Variants in KMT2C observed in about 807,000 individuals in gnomAD.
The protein encoded by KMT2C is lysine methyltransferase 2C.
Under a neutral mutation model 507.9 loss-of-function variants are expected in KMT2C, and 88 were observed. The ratio of observed to expected loss-of-function variants is 0.17; its 90% CI spans 0.15 to 0.21. The LOEUF (loss-of-function observed/expected upper bound fraction) is 0.21, where lower values mean the gene tolerates loss of function less well. KMT2C is among the 10% of genes least tolerant of loss of function. KMT2C has a pLI of 1.00. For synonymous variants in KMT2C, 2,049 were observed against 2,080.8 expected (o/e 0.98, Z 0.42); for missense variants, 4,954 against 5,957.8 (o/e 0.83, Z 5.55).
chr7:152,368,410 G>C, intron 1 of KMT2C: 1 of 1,127,270 alleles, frequency 8.9e-7, no homozygotes, highest in Non-Finnish European at 1.3e-6. Context: ...GAAGAAGATA[G>C]AGATGGAGAT....
chr7:152,258,551 G>A (rs905235112), intron 9 of KMT2C, among the ~76,000 whole-genome samples: 1 of 151,838 alleles, frequency 6.6e-6, no homozygotes, highest in African/African-American at 2.4e-5. Context: ...TTGAGACAGA[G>A]TCTATCTCTG....
At chr7:152,170,348 T>C (rs2092907990) in intron 40 of KMT2C, among the ~76,000 whole-genome samples, 1 of 147,110 alleles carries the variant, frequency 6.8e-6, no homozygotes, top group Non-Finnish European at 1.5e-5. Context: ...TTATAGTAGG[T>C]AGCTCCCTTT....
rs762454363 is a variant in KMT2C, at chr7:152,181,480, G to C, written c.6380C>G (p.Ser2127Cys). The C allele has an allele frequency of 1.2e-6, 2 of 1,614,104 alleles. No homozygotes were observed. The highest frequency in any genetic ancestry group is 1.7e-5 in the Admixed American group (1 of 60,004). ...TGGGGGTTGGGAGTATGGGTCCTGA[G>C]ATGTTGGCCTTGATATGGTTCCAGG... ...SQPGTISRPTSQDPYSQPPGT... is the reference protein window; with the variant it reads ...SQPGTISRPTCQDPYSQPPGT... The change falls in exon 36 of 59, where the codon TCT (serine) becomes TGT (cysteine). Residue 2127 changes from serine to cysteine, a missense_variant. Physicochemically the swap from Ser to Cys is moderately radical, Grantham distance 112 (BLOSUM62 -1). Transcript: ENST00000262189.
At chr7:152,139,815 T>C in intron 55 of KMT2C, 24 bp from the exon 56 acceptor site, 1 of 1,515,474 alleles carries the variant, frequency 6.6e-7, no homozygotes, top group Non-Finnish European at 9.1e-7. Context: ...TGTACATACT[T>C]CCAATTTATG....
chr7:152,351,705 T>C (rs2097112154), intron 2 of KMT2C, among the ~76,000 whole-genome samples: 1 of 152,238 alleles, frequency 6.6e-6, no homozygotes, highest in Admixed American at 6.5e-5. Flanking sequence ...TATAATTTCT[T>C]ACGCCTGTCT....
chr7:152,253,472 C>T (rs1010579716), intron 9 of KMT2C, among the ~76,000 whole-genome samples: 2 of 125,546 alleles, frequency 1.6e-5, no homozygotes, highest in African/African-American at 6.3e-5. Context: ...GCCAGGGATC[C>T]GAGACCAATC....
intron 6 of KMT2C, among the ~76,000 whole-genome samples, chr7:152,309,569 G>A (rs748104405): frequency 4.2e-5 from 6 of 143,510 alleles, no homozygotes; most frequent in Non-Finnish European, 9.0e-5. Context: ...ACCCAGGTTG[G>A]AGTGCAATGG....
rs1490041659 is a variant in KMT2C, at chr7:152,194,035, G to T, written c.4634C>A (p.Thr1545Lys). The T allele has an allele frequency of 1.3e-6, 2 of 1,580,508 alleles. No individual in the cohort carries two copies. Among genetic ancestry groups the T allele is most frequent in the Non-Finnish European group, 1.7e-6 (2 of 1,169,276 alleles). The change falls in exon 31 of 59, where the codon ACA becomes AAA. Residue 1545 changes from threonine to lysine, a missense_variant. Thr to Lys is a moderately conservative substitution (Grantham distance 78). Coordinates refer to ENST00000262189, the MANE Select transcript of KMT2C (RefSeq NM_170606.3). The part of the protein sequence containing the change: ...PTPLPQPPPP[T>K]QLLPIHNQDA... ...CTGATTGTGTATTGGCAACAGCTGT[G>T]TTGGTGGGGGAGGCTGTGGCAATGG...
intron 1 of KMT2C, among the ~76,000 whole-genome samples, chr7:152,383,747 C>T (rs201980633): frequency 2.6e-5 from 4 of 151,294 alleles, no homozygotes; most frequent in East Asian, 1.9e-4. Context: ...GCCGTTTCTG[C>T]CCCATCTGTA....
chr7:152,342,870 G>C (rs986933883), intron 2 of KMT2C, among the ~76,000 whole-genome samples: 1 of 152,130 alleles, frequency 6.6e-6, no homozygotes, highest in Non-Finnish European at 1.5e-5. Context: ...CCTAACCTAC[G>C]AGAAGAGAAA....
Position 152,138,944 on chromosome 7 carries a change from C to G in KMT2C, c.14535-40G>C. ...GTCAGAAAACTGTATTGTAAAACAG[C>G]TAGAAGCAGCTTTAAAAACTTCCCA... On this transcript the variant is annotated intron_variant, in intron 57 of 58. Transcript: ENST00000262189. The surrounding 1 kb of genome is among the most constrained non-coding windows in gnomAD (Gnocchi z 4.2). 1 of 1,461,822 alleles carries G rather than the reference C, an allele frequency of 6.8e-7. No individual in the cohort carries two copies. The highest frequency in any genetic ancestry group is 9.6e-7 in the Non-Finnish European group (1 of 1,042,318). The allele number at this position is 1,461,822 out of a possible 1,614,324, so 90.6% of individuals were successfully genotyped here.
At chr7:152,362,989 G>A (rs1002761353) in intron 1 of KMT2C, among the ~76,000 whole-genome samples, 75 of 152,084 alleles carry the variant, frequency 4.9e-4, no homozygotes, top group African/African-American at 1.7e-3. Context: ...TTATTTCATC[G>A]GTGTCCTTAT....
intron 27 of KMT2C, among the ~76,000 whole-genome samples, chr7:152,196,290 G>C (rs2093959517): frequency 6.6e-6 from 1 of 152,112 alleles, no homozygotes; most frequent in Non-Finnish European, 1.5e-5. Context: ...AATAAATGCT[G>C]TAAGAAACAA....
intron 1 of KMT2C, among the ~76,000 whole-genome samples, chr7:152,372,473 C>T (rs1488997433): frequency 6.6e-6 from 1 of 152,102 alleles, no homozygotes; most frequent in African/African-American, 2.4e-5. Context: ...TTTTTAAAAA[C>T]AAGATCCACC....
At chr7:152,161,562 GA>G (rs545262877) in intron 43 of KMT2C, among the ~76,000 whole-genome samples, 7 of 149,012 alleles carry the variant, frequency 4.7e-5, no homozygotes, top group South Asian at 2.1e-4. Flanking sequence ...TCATGTAAAT[GA>G]AAAAAAAAGC....
At chr7:152,285,650 T>G (rs1211900389) in intron 6 of KMT2C, among the ~76,000 whole-genome samples, 1 of 152,090 alleles carries the variant, frequency 6.6e-6, no homozygotes, top group Admixed American at 6.5e-5. Context: ...ATTATACCCT[T>G]GGAAAAAAAG....
chr7:152,210,891 T>C (rs1383053419), intron 23 of KMT2C, among the ~76,000 whole-genome samples: 4 of 151,804 alleles, frequency 2.6e-5, no homozygotes, highest in African/African-American at 9.7e-5. Context: ...AGGACATGAA[T>C]TGGAAAGAAG....
At chr7:152,368,780 C>G (rs1422940670) in intron 1 of KMT2C, 6 of 733,094 alleles carry the variant, frequency 8.2e-6, no homozygotes, top group African/African-American at 1.8e-5. Flanking sequence ...GATTTAACAG[C>G]GTGACAAAAA....
At chr7:152,389,070 G>A (rs1283493869) in intron 1 of KMT2C, among the ~76,000 whole-genome samples, 1 of 151,744 alleles carries the variant, frequency 6.6e-6, no homozygotes, top group Non-Finnish European at 1.5e-5. Flanking sequence ...TTTTAGTAGA[G>A]ATGGGGTTTC....
Sources: allele counts gnomAD v4.1 joint callset (sites outside exome capture counted in the v4.1 genomes callset), GRCh38; gene constraint gnomAD v4.1.1; non-coding constraint Gnocchi (gnomAD v3.1); transcripts MANE v1.5; gene names NCBI Gene and HGNC (gene_info 2026-07-23, HGNC 2026-07-21).